Variants in CRNKL1 observed in about 807,000 individuals in gnomAD.
The protein encoded by CRNKL1 is crooked neck-like protein 1.
A neutral mutation model predicts 103.7 loss-of-function variants in CRNKL1; 35 were observed. The ratio of observed to expected loss-of-function variants is 0.34; its 90% CI spans 0.26 to 0.45. CRNKL1 has a LOEUF of 0.45. Among genes scored for constraint, CRNKL1 ranks in the 20% least tolerant of loss-of-function variants. The pLI is 1.00. For synonymous variants in CRNKL1, 267 were observed against 282.6 expected (o/e 0.94, Z 0.55); for missense variants, 645 against 836.0 (o/e 0.77, Z 2.82).
At chr20:20,052,113 G>A (rs978055648) in intron 1 of CRNKL1, among the ~76,000 whole-genome samples, 179 bp downstream of exon 1, 1 of 152,074 alleles carries the variant, frequency 6.6e-6, no homozygotes, top group African/African-American at 2.4e-5. Flanking sequence ...CCACGCCAAC[G>A]CGGGTCGTGC....
chr20:20,039,799 A>G lies in CRNKL1; in HGVS notation c.1355T>C (p.Ile452Thr). 3 of 1,614,064 alleles carry G rather than the reference A, an allele frequency of 1.9e-6. No homozygotes were observed. The highest frequency in any genetic ancestry group is 2.5e-6 in the Non-Finnish European group (3 of 1,179,918). The change falls in exon 11 of 14, where the codon ATA becomes ACA. Residue 452 changes from isoleucine (I) to threonine (T), a missense_variant. This residue lies in a region of CRNKL1 where 582 missense variants were observed against 707.7 expected (regional missense o/e 0.82). Coordinates refer to ENST00000536226, the MANE Select transcript of CRNKL1 (RefSeq NM_001278628.2). ...CPKNKLFKVY[I>T]ELELQLREFD... ...TTCTCGAAGCTGTAGCTCCAATTCT[A>G]TGTAAACTTTAAATAATTTGTTCTT...
intron 11 of CRNKL1, among the ~76,000 whole-genome samples, chr20:20,039,183 G>C (rs1423411120): frequency 6.6e-6 from 1 of 152,206 alleles, no homozygotes; most frequent in African/African-American, 2.4e-5. Flanking sequence ...AGGCAGGCGA[G>C]GACTTTCAGG....
upstream of CRNKL1, among the ~76,000 whole-genome samples, chr20:20,053,359 C>T (rs994622133): frequency 2.0e-5 from 3 of 152,180 alleles, no homozygotes; most frequent in African/African-American, 7.2e-5. Flanking sequence ...CCTCTAACAG[C>T]CTCCAACTCT....
chr20:20,047,921 T>C lies in CRNKL1; in HGVS notation c.466A>G (p.Thr156Ala). 6.2e-7 allele frequency: 1 copy of C among 1,613,814 alleles called. No individual in the cohort carries two copies. Among genetic ancestry groups the C allele is most frequent in the South Asian group, 1.1e-5 (1 of 91,068 alleles). Residue 156 changes from threonine to alanine, a missense_variant, in exon 5 of 14, where the codon ACG becomes GCG. By Grantham distance (58) the Thr-to-Ala change is moderately conservative. This residue lies in a region of CRNKL1 where 582 missense variants were observed against 707.7 expected (regional missense o/e 0.82). Coordinates refer to ENST00000536226, the MANE Select transcript of CRNKL1 (RefSeq NM_001278628.2). ...TTTCCCAACATTTCCTCCATGTACG[T>C]GTACTTGTACCTGTAACAAAATCAC... Reference protein sequence around the residue: ...PRVNQFWYKYTYMEEMLGNVA... With the variant: ...PRVNQFWYKYAYMEEMLGNVA...
chr20:20,043,890 G>T (rs1040872801), intron 6 of CRNKL1, among the ~76,000 whole-genome samples: 3 of 152,058 alleles, frequency 2.0e-5, no homozygotes, highest in Non-Finnish European at 4.4e-5. Context: ...CTGCCAACTG[G>T]ATGTCTACTG....
chr20:20,051,142 A>C (rs1212737859), intron 1 of CRNKL1, among the ~76,000 whole-genome samples: 1 of 152,256 alleles, frequency 6.6e-6, no homozygotes, highest in Non-Finnish European at 1.5e-5. Context: ...AACGTAGCTT[A>C]GAGCTGTGCT....
rs77745762 is a variant in CRNKL1 at position 20,039,959 on chromosome 20, A to G, written c.1306-111T>C. 5,102 of 1,088,490 alleles carry G rather than the reference A, an allele frequency of 4.7e-3. 128 individuals carry two copies. In the South Asian group the frequency reaches 0.054, roughly 12 times the overall value. 67.4% of individuals were successfully genotyped at this position (1,088,490 alleles called of 1,614,324 possible). On this transcript the variant is annotated intron_variant, in intron 10 of 13. Transcript: ENST00000536226. ...GCTGAGGAAGAATCTTGCAAAGTCA[A>G]CATGGCCTACCATTCTTTCCCTCTG...
At chr20:20,052,889 C>T, upstream of CRNKL1, 3 of 647,178 alleles carry the variant, frequency 4.6e-6, no homozygotes, top group Middle Eastern at 4.3e-4. Flanking sequence ...CACGCCCCCT[C>T]GTTTCTGGTT....
chr20:20,050,854 G>A (rs1340960585), intron 1 of CRNKL1, among the ~76,000 whole-genome samples: 1 of 152,102 alleles, frequency 6.6e-6, no homozygotes, highest in African/African-American at 2.4e-5. Flanking sequence ...AGAGAAAAAG[G>A]TGGCAAAAAT....
intron 5 of CRNKL1, among the ~76,000 whole-genome samples, chr20:20,046,900 T>G (rs2043602050): frequency 1.3e-5 from 2 of 152,262 alleles, no homozygotes; most frequent in South Asian, 4.1e-4. Context: ...CAAATAAATT[T>G]TAGCAAATAC....
chr20:20,052,780 G>C, upstream of CRNKL1: 1 of 1,483,946 alleles, frequency 6.7e-7, no homozygotes, highest in East Asian at 2.4e-5. Context: ...GGGAAGAAGG[G>C]AGAGCGAGGA....
chr20:20,037,300 C>T, intron 13 of CRNKL1, 23 bp downstream of exon 13: 1 of 1,603,994 alleles, frequency 6.2e-7, no homozygotes, highest in Non-Finnish European at 8.5e-7. Context: ...GTGAGATGAA[C>T]AGTCCCAGGG....
chr20:20,040,888 G>A, intron 9 of CRNKL1, 122 bp from the exon 10 acceptor site: 3 of 684,164 alleles, frequency 4.4e-6, no homozygotes. Context: ...TTCAGAGTAA[G>A]AGGAATGTAC....
At position 20,035,393 on chromosome 20, in the gene CRNKL1, C is replaced by T. The variant is rs969127715; in HGVS notation, c.*802G>A. ...GAACATGGGACATCATTTTTCATAG[C>T]ACACACGTGAACAAGCCATTATTCT... On this transcript the variant is annotated 3_prime_UTR_variant, in exon 14 of 14. Transcript: ENST00000536226. 3.9e-5 allele frequency: 6 copies of T among 152,326 alleles called. No homozygotes were observed. Among genetic ancestry groups the T allele is most frequent in the African/African-American group, 1.2e-4 (5 of 41,574 alleles). 9.4% of individuals were successfully genotyped at this position (152,326 alleles called of 1,614,324 possible).
At chr20:20,054,072 A>G (rs6046578), upstream of CRNKL1, among the ~76,000 whole-genome samples, 21 of 140,472 alleles carry the variant, frequency 1.5e-4, no homozygotes, top group African/African-American at 4.8e-4. Flanking sequence ...TTTGCCATCA[A>G]TGCTTTTGTA....
chr20:20,038,800 A>AG (rs1362452012), intron 11 of CRNKL1, among the ~76,000 whole-genome samples: 1 of 152,220 alleles, frequency 6.6e-6, no homozygotes, highest in Non-Finnish European at 1.5e-5. Flanking sequence ...AAACAGGCCC[A>AG]GGTTAGCCAG....
rs2043408443 is a variant in CRNKL1 at position 20,035,689 on chromosome 20, ACT to A, written c.*504_*505del. The A allele has an allele frequency of 6.5e-6, 1 of 153,362 alleles. No individual in the cohort carries two copies. The highest frequency in any genetic ancestry group is 6.5e-5 in the Admixed American group (1 of 15,464). 9.5% of individuals were successfully genotyped at this position (153,362 alleles called of 1,614,324 possible). On this transcript the variant is annotated 3_prime_UTR_variant, in exon 14 of 14. Transcript: ENST00000536226. ...AGAACAAACAATTTACTGAGCACTT[ACT>A]ATGCACCCACCAGGTATATTCCTTT...
Position 20,049,337 on chromosome 20 carries a change from T to C in CRNKL1, c.296+3A>G. On this transcript the variant is annotated splice_donor_region_variant and intron_variant, in intron 3 of 13. Transcript: ENST00000536226. Reference sequence around the variant, plus strand: ...TACAAAACTACACTCTCAGTAATTTTACCTTTGAATCTCCTTTAGGCTTTC... The same window carrying C: ...TACAAAACTACACTCTCAGTAATTTCACCTTTGAATCTCCTTTAGGCTTTC... The C allele has an allele frequency of 6.7e-7, 1 of 1,492,500 alleles. No homozygotes were observed. Among genetic ancestry groups the C allele is most frequent in the South Asian group, 1.2e-5 (1 of 85,936 alleles). 92.5% of individuals were successfully genotyped at this position (1,492,500 alleles called of 1,614,324 possible).
In CRNKL1 at chr20:20,037,371, G is replaced by A. The variant is rs1303256131; in HGVS notation, c.1848C>T (p.Leu616=). 1 of 1,613,978 alleles carries A rather than the reference G, an allele frequency of 6.2e-7. No individual in the cohort carries two copies. Among genetic ancestry groups the A allele is most frequent in the African/African-American group, 1.3e-5 (1 of 74,916 alleles). ...TTCTCTTCTTGACTTTCTCTGGCATGAGTTTGTCTACTCTCTCCTTATCTG... is the reference window on the plus strand; with the variant it reads ...TTCTCTTCTTGACTTTCTCTGGCATAAGTTTGTCTACTCTCTCCTTATCTG... ...TASDKERVDK[L]MPEKVKKRRK... The change falls in exon 13 of 14, where the codon CTC becomes CTT. Residue 616 remains leucine, a synonymous_variant. Transcript: ENST00000536226.
Sources: gnomAD v4.1 joint callset for allele counts (sites outside exome capture counted in the v4.1 genomes callset) on GRCh38, gnomAD v4.1.1 for gene constraint, gnomAD v4.1.1 regional missense constraint, MANE v1.5 for transcripts, NCBI Gene and HGNC (gene_info 2026-07-23, HGNC 2026-07-21) for gene names.